FRMD3: variants seen among roughly 807,000 people sequenced by gnomAD.
FRMD3 encodes the protein FERM domain-containing protein 3.
In FRMD3, 33 loss-of-function variants were observed where a neutral mutation model predicts 70.2. That is an observed-to-expected ratio of 0.47 (90% confidence interval 0.36 to 0.63). The LOEUF (loss-of-function observed/expected upper bound fraction) is 0.63. FRMD3 is among the 20% of genes least tolerant of loss of function. The pLI is 0.00. For missense variants in FRMD3, 632 were observed against 711.4 expected (o/e 0.89, Z 1.27); for synonymous variants, 279 against 255.9 (o/e 1.09, Z -0.86).
chr9:83,372,555 C>T (rs1159989073), intron 3 of FRMD3, among the ~76,000 whole-genome samples: 2 of 152,082 alleles, frequency 1.3e-5, no homozygotes, highest in African/African-American at 2.4e-5. Flanking sequence ...ATACTGCACC[C>T]CCTCCCACAC....
intron 6 of FRMD3, 46 bp from the exon 7 acceptor site, chr9:83,313,793 T>C (rs1835457383): frequency 7.1e-7 from 1 of 1,407,202 alleles, no homozygotes; most frequent in Non-Finnish European, 1.0e-6. Flanking sequence ...TGGAAAAGAA[T>C]AGAAACTCGG....
intron 1 of FRMD3, among the ~76,000 whole-genome samples, chr9:83,472,292 G>A (rs999982032): frequency 1.7e-4 from 26 of 152,308 alleles, no homozygotes; most frequent in Middle Eastern, 3.4e-3. Context: ...AGATCAGGGT[G>A]AGGGAAATAA....
At chr9:83,335,012 C>T (rs1020948630) in intron 6 of FRMD3, among the ~76,000 whole-genome samples, 20 of 151,970 alleles carry the variant, frequency 1.3e-4, no homozygotes, top group African/African-American at 4.6e-4. Context: ...TTTGCTTCTA[C>T]CACTGCTACT....
At chr9:83,430,181 TC>T (rs1423864324) in intron 1 of FRMD3, among the ~76,000 whole-genome samples, 1 of 152,174 alleles carries the variant, frequency 6.6e-6, no homozygotes, top group African/African-American at 2.4e-5. Flanking sequence ...CCTGCCTAAC[TC>T]CTTCCCTGCT....
At chr9:83,480,470 T>C (rs1415074998) in intron 1 of FRMD3, among the ~76,000 whole-genome samples, 2 of 151,380 alleles carry the variant, frequency 1.3e-5, no homozygotes, top group African/African-American at 2.4e-5. Context: ...ATTTCCATTG[T>C]ATTAGGTTTT....
the FRMD3 span, among the ~76,000 whole-genome samples, chr9:83,566,099 C>A: frequency 6.4e-3 from 967 of 152,274 alleles, 3 homozygotes; most frequent in Non-Finnish European, 0.011. Context: ...ATACCCGAGA[C>A]TGAGAAGAAA....
At chr9:83,352,591 A>G (rs1220662510) in intron 3 of FRMD3, among the ~76,000 whole-genome samples, 1 of 152,190 alleles carries the variant, frequency 6.6e-6, no homozygotes, top group African/African-American at 2.4e-5. Context: ...TCCCACGTAC[A>G]TGAAGAGTCC....
intron 1 of FRMD3, among the ~76,000 whole-genome samples, chr9:83,405,191 C>T (rs1826064554): frequency 6.6e-6 from 1 of 152,158 alleles, no homozygotes; most frequent in South Asian, 2.1e-4. Flanking sequence ...CCTGCCTCTG[C>T]CAACTGATAG....
Position 83,423,682 on chromosome 9 carries a change from C to T in FRMD3, c.148-33974G>A, listed in dbSNP as rs548404525. On this transcript the variant is annotated intron_variant, in intron 1 of 13. Transcript: ENST00000304195. ...CGTGATCTCAGCTCACTGCAACCTC[C>T]GTCTGCCAGGTTCAAGCGATTCTCC... Among the ~76,000 whole-genome samples the T allele has an allele frequency of 1.3e-4, 19 of 144,994 alleles. No individual in the cohort carries two copies. The South Asian group carries it at 1.5e-3, about 12-fold the overall frequency.
intron 1 of FRMD3, among the ~76,000 whole-genome samples, chr9:83,456,514 C>T (rs1827821530): frequency 6.6e-6 from 1 of 152,156 alleles, no homozygotes; most frequent in Non-Finnish European, 1.5e-5. Flanking sequence ...CAATTTAACT[C>T]CCACCAGACA....
intron 3 of FRMD3, among the ~76,000 whole-genome samples, chr9:83,360,559 GGAA>G (rs147870790): frequency 0.15 from 22,426 of 151,934 alleles, 1,738 homozygotes; most frequent in East Asian, 0.32. Context: ...CATTCCTGAA[GGAA>G]GAAGAAAGCC....
At chr9:83,267,313 G>A (rs1039342753) in intron 13 of FRMD3, 53 of 1,431,394 alleles carry the variant, frequency 3.7e-5, no homozygotes, top group Non-Finnish European at 4.7e-5. Context: ...GGGAGGGGAG[G>A]AGGGAGGGGA....
intron 6 of FRMD3, among the ~76,000 whole-genome samples, chr9:83,316,049 T>C (rs935348782): frequency 2.0e-5 from 3 of 152,190 alleles, no homozygotes; most frequent in Non-Finnish European, 2.9e-5. Flanking sequence ...CCAAAGATGA[T>C]ATTTTCTCCT....
At position 83,526,809 on chromosome 9, in the gene FRMD3, CTTTAA is replaced by C. The variant is rs201445234; in HGVS notation, c.147+11271_147+11275del. 6.3e-3 allele frequency among the ~76,000 whole-genome samples: 959 copies of C among 151,850 alleles called. 9 individuals carry two copies. The highest frequency in any genetic ancestry group is 0.022 in the African/African-American group (916 of 41,428). Reference sequence around the variant, plus strand: ...TAAGATTGATGATGTTTCAAACAAACTTTAATTTACTTTTGAAAACCTAACTTCTT... The same window carrying C: ...TAAGATTGATGATGTTTCAAACAAACTTTACTTTTGAAAACCTAACTTCTT... On this transcript the variant is annotated intron_variant, in intron 1 of 13. Coordinates refer to ENST00000304195, the MANE Select transcript of FRMD3 (RefSeq NM_174938.6).
At chr9:83,501,537 A>G (rs1399218380) in intron 1 of FRMD3, among the ~76,000 whole-genome samples, 1 of 152,210 alleles carries the variant, frequency 6.6e-6, no homozygotes, top group East Asian at 1.9e-4. Flanking sequence ...ATAATTTGTA[A>G]TTTCTTACAG....
At chr9:83,418,858 C>T (rs1040321253) in intron 1 of FRMD3, among the ~76,000 whole-genome samples, 24 of 152,302 alleles carry the variant, frequency 1.6e-4, no homozygotes, top group South Asian at 4.1e-4. Flanking sequence ...TTCACAATTG[C>T]GAAGCCTTTG....
chr9:83,245,014 C>T lies in FRMD3; in HGVS notation c.*2904G>A. 1 of 984,500 alleles carries T rather than the reference C, an allele frequency of 1.0e-6. No homozygotes were observed. Among genetic ancestry groups the T allele is most frequent in the African/African-American group, 1.7e-5 (1 of 57,300 alleles). The allele number at this position is 984,500 out of a possible 1,614,324, so 61.0% of individuals were successfully genotyped here. A position where few individuals can be genotyped will look rare whatever the true frequency, so the allele number is the denominator to read the frequency against. ...ATATTTATTTATATCCACAAATGTA[C>T]ACTCAGTGGCATTTATGGAAAATTT... is the stretch of plus-strand genomic sequence containing the variant. On this transcript the variant is annotated 3_prime_UTR_variant, in exon 14 of 14. Coordinates refer to ENST00000304195, the MANE Select transcript of FRMD3 (RefSeq NM_174938.6).
At chr9:83,356,274 T>C (rs1824335236) in intron 3 of FRMD3, among the ~76,000 whole-genome samples, 1 of 42,950 alleles carries the variant, frequency 2.3e-5, no homozygotes, top group African/African-American at 6.5e-5. Context: ...CAGCAGCATT[T>C]TTTTTTTTTT....
chr9:83,570,425 A>G, the FRMD3 span, among the ~76,000 whole-genome samples: 6 of 152,236 alleles, frequency 3.9e-5, no homozygotes, highest in Non-Finnish European at 8.8e-5. Flanking sequence ...TGGCAATTTC[A>G]TGTGATTTAA....
Sources: gnomAD v4.1 joint callset for allele counts (sites outside exome capture counted in the v4.1 genomes callset) on GRCh38, gnomAD v4.1.1 for gene constraint, MANE v1.5 for transcripts, NCBI Gene and HGNC (gene_info 2026-07-23, HGNC 2026-07-21) for gene names.